SCGB3A1: variants seen among roughly 807,000 people sequenced by gnomAD.
SCGB3A1 encodes the protein secretoglobin family 3A member 1, also known as cytokine HIN-1.
Under a neutral mutation model 7.6 loss-of-function variants are expected in SCGB3A1, and 7 were observed. The ratio of observed to expected loss-of-function variants is 0.93; its 90% CI spans 0.53 to 1.74. SCGB3A1 has a LOEUF of 1.74. SCGB3A1 is among the 40% of genes most tolerant of loss of function. The pLI, the probability that SCGB3A1 is intolerant of heterozygous loss-of-function variation, is 0.00. For synonymous variants in SCGB3A1, 67 were observed against 66.6 expected (o/e 1.01, Z -0.03); for missense variants, 119 against 129.0 (o/e 0.92, Z 0.38).
Position 180,590,624 on chromosome 5 carries a change from G to A in SCGB3A1, c.267C>T (p.Ala89=), listed in dbSNP as rs746301922. The change falls in exon 2 of 3, where the codon GCC becomes GCT. Residue 89 remains alanine, a synonymous_variant. Transcript: ENST00000292641. ...VAELGPQAVG[A]VKALKALLGA... is the part of the protein sequence containing the mutation. ...CCAGCAGGGCCTTCAGGGCCTTCAC[G>A]GCCCCCACGGCCTGGGGACCCAGCT... 3 of 1,602,692 alleles carry A rather than the reference G, an allele frequency of 1.9e-6. No individual in the cohort carries two copies. The South Asian group carries it at 3.4e-5, about 18-fold the overall frequency.
rs940470391 is a variant in SCGB3A1 at position 180,591,473 on chromosome 5, C to G, written c.-11G>C. The G allele has an allele frequency of 2.4e-6, 3 of 1,228,392 alleles. No individual in the cohort carries two copies. Among genetic ancestry groups the G allele is most frequent in the Non-Finnish European group, 2.0e-6 (2 of 985,784 alleles). 76.1% of individuals were successfully genotyped at this position (1,228,392 alleles called of 1,614,324 possible). A position where few individuals can be genotyped will look rare whatever the true frequency, so the allele number is the denominator to read the frequency against. On this transcript the variant is annotated 5_prime_UTR_variant, in exon 1 of 3. Coordinates refer to ENST00000292641, the MANE Select transcript of SCGB3A1 (RefSeq NM_052863.3). ...GGCGGCGAGCTTCATGGCGCGGGGG[C>G]TCGGGGCGCGCGGGGAACCTGCGGC...
chr5:180,591,335 G>A (rs1448884006), intron 1 of SCGB3A1, 76 bp downstream of exon 1: 11 of 1,114,594 alleles, frequency 9.9e-6, no homozygotes, highest in African/African-American at 4.9e-5. Context: ...CACGATCGGC[G>A]CAGGCAGCGG....
chr5:180,590,592 C>T lies in SCGB3A1; in HGVS notation c.291+8G>A, dbSNP rs752129610. On this transcript the variant is annotated splice_region_variant and intron_variant, in intron 2 of 2. Coordinates refer to ENST00000292641, the MANE Select transcript of SCGB3A1 (RefSeq NM_052863.3). ...GCGCAGGAAGGGCACCCGGGGTGCC[C>T]ACTTTACCAGCAGGGCCTTCAGGGC... The T allele has an allele frequency of 2.5e-6, 4 of 1,600,294 alleles. No individual in the cohort carries two copies. The African/African-American group carries it at 5.4e-5, about 21-fold the overall frequency.
intron 1 of SCGB3A1, 53 bp downstream of exon 1, chr5:180,591,358 G>A: frequency 8.5e-7 from 1 of 1,179,210 alleles, no homozygotes; most frequent in Non-Finnish European, 1.1e-6. Flanking sequence ...GGGGCGCAGC[G>A]GGCGCCGAGG....
intron 2 of SCGB3A1, 88 bp downstream of exon 2, chr5:180,590,512 C>G: frequency 8.9e-7 from 1 of 1,117,458 alleles, no homozygotes; most frequent in Middle Eastern, 2.9e-4. Flanking sequence ...ACAGCCCTGA[C>G]GTAGGGCCGG....
intron 1 of SCGB3A1, 123 bp from the exon 2 acceptor site, chr5:180,590,961 C>A: frequency 1.4e-6 from 1 of 698,708 alleles, no homozygotes; most frequent in South Asian, 2.0e-5. Context: ...CCGACCGCCC[C>A]TCCCTCCTGC....
At position 180,591,404 on chromosome 5, in the gene SCGB3A1, C is replaced by G. The variant is rs1442854265; in HGVS notation, c.52+7G>C. ...CACCGTGCGCGCCAGGAGCCCGGGG[C>G]GCTCACCGGAGCTGCAGGACAGGGC... On this transcript the variant is annotated splice_region_variant and intron_variant, in intron 1 of 2. Coordinates refer to ENST00000292641, the MANE Select transcript of SCGB3A1 (RefSeq NM_052863.3). 19 of 1,225,438 alleles carry G rather than the reference C, an allele frequency of 1.6e-5. No individual in the cohort carries two copies. The highest frequency in any genetic ancestry group is 1.8e-5 in the Non-Finnish European group (18 of 983,888). The allele number at this position is 1,225,438 out of a possible 1,614,324, so 75.9% of individuals were successfully genotyped here. A position where few individuals can be genotyped will look rare whatever the true frequency, so the allele number is the denominator to read the frequency against.
Position 180,590,164 on chromosome 5 carries a change from G to C in SCGB3A1, c.*67C>G, listed in dbSNP as rs991746145. 15 of 1,534,512 alleles carry C rather than the reference G, an allele frequency of 9.8e-6. No individual in the cohort carries two copies. Among genetic ancestry groups the C allele is most frequent in the Non-Finnish European group, 1.2e-5 (14 of 1,128,120 alleles). On this transcript the variant is annotated 3_prime_UTR_variant, in exon 3 of 3. Coordinates refer to ENST00000292641, the MANE Select transcript of SCGB3A1 (RefSeq NM_052863.3). ...GAAGGGGATGGACGGTCCTCCCCGC[G>C]GCGGGGTTTTCAGCCCTCGCGGGTG...
Position 180,590,604 on chromosome 5 carries a change from A to G in SCGB3A1, c.287T>C (p.Leu96Pro). ...AVGAVKALKA[L>P]LGALTVFG ...CACCCGGGGTGCCCACTTTACCAGCAGGGCCTTCAGGGCCTTCACGGCCCC... is the reference window on the plus strand; with the variant it reads ...CACCCGGGGTGCCCACTTTACCAGCGGGGCCTTCAGGGCCTTCACGGCCCC... Residue 96 changes from leucine to proline, a missense_variant, in exon 2 of 3, where the codon CTG becomes CCG. Physicochemically the swap from Leu to Pro is moderately conservative, Grantham distance 98. Transcript: ENST00000292641. 6.2e-7 allele frequency: 1 copy of G among 1,601,686 alleles called. No individual in the cohort carries two copies. Among genetic ancestry groups the G allele is most frequent in the Non-Finnish European group, 8.5e-7 (1 of 1,174,350 alleles).
intron 2 of SCGB3A1, 56 bp from the exon 3 acceptor site, chr5:180,590,310 C>T (rs2127777273): frequency 3.2e-6 from 5 of 1,553,606 alleles, no homozygotes; most frequent in South Asian, 1.2e-5. Context: ...AGAACTCAGG[C>T]GGGGGCGCGG....
rs907689445 is a variant in SCGB3A1 at position 180,591,468 on chromosome 5, G to A, written c.-6C>T. On this transcript the variant is annotated 5_prime_UTR_variant, in exon 1 of 3. Transcript: ENST00000292641. ...AGGAGGGCGGCGAGCTTCATGGCGC[G>A]GGGGCTCGGGGCGCGCGGGGAACCT... 8.1e-7 allele frequency: 1 copy of A among 1,228,220 alleles called. No homozygotes were observed. The highest frequency in any genetic ancestry group is 1.0e-6 in the Non-Finnish European group (1 of 985,706). The allele number at this position is 1,228,220 out of a possible 1,614,324, so 76.1% of individuals were successfully genotyped here.
chr5:180,590,547 C>A, intron 2 of SCGB3A1, 53 bp downstream of exon 2: 2 of 1,438,554 alleles, frequency 1.4e-6, no homozygotes, highest in African/African-American at 1.4e-5. Context: ...AGTTTTGAGG[C>A]TGGCCGGGAA....
chr5:180,591,369 C>T (rs1561677565), intron 1 of SCGB3A1, 42 bp downstream of exon 1: 1 of 1,210,968 alleles, frequency 8.3e-7, no homozygotes, highest in Admixed American at 4.3e-5. Context: ...GGCGCCGAGG[C>T]CTCAGGCCCC....
At chr5:180,591,327 C>T in intron 1 of SCGB3A1, 84 bp downstream of exon 1, 1 of 1,096,882 alleles carries the variant, frequency 9.1e-7, no homozygotes, top group Non-Finnish European at 1.1e-6. Flanking sequence ...CTGGGATCCA[C>T]GATCGGCGCA....
At chr5:180,591,142 T>C (rs1761307616) in intron 1 of SCGB3A1, 2 of 413,020 alleles carry the variant, frequency 4.8e-6, no homozygotes, top group South Asian at 8.4e-5. Flanking sequence ...GCGCTGCGCC[T>C]TGCAGGATGA....
At chr5:180,590,285 C>G in intron 2 of SCGB3A1, 31 bp from the exon 3 acceptor site, 1 of 1,567,258 alleles carries the variant, frequency 6.4e-7, no homozygotes, top group South Asian at 1.2e-5. Flanking sequence ...TTGAGTGCCC[C>G]CAGCCCTGCC....
rs770121345 is a variant in SCGB3A1 at position 180,590,662 on chromosome 5, T to A, written c.229A>T (p.Lys77Ter). 1 of 1,596,292 alleles carries A rather than the reference T, an allele frequency of 6.3e-7. No individual in the cohort carries two copies. Among genetic ancestry groups the A allele is most frequent in the East Asian group, 2.3e-5 (1 of 43,772 alleles). ...PVNHLIEGSQKCVAELGPQAV... is the reference protein window; with the variant it reads ...PVNHLIEGSQ ...TGGGGACCCAGCTCAGCCACACACT[T>A]CTGGGAGCCCTCTATGAGGTGGTTC... The change falls in exon 2 of 3, where the codon AAG (lysine) becomes TAG (stop). Residue 77 changes from lysine (K) to a stop codon, truncating the protein, a stop_gained. Coordinates refer to ENST00000292641, the MANE Select transcript of SCGB3A1 (RefSeq NM_052863.3). LOFTEE classifies it high-confidence loss of function.
At chr5:180,591,359 G>T in intron 1 of SCGB3A1, 52 bp downstream of exon 1, 1 of 1,185,184 alleles carries the variant, frequency 8.4e-7, no homozygotes, top group Non-Finnish European at 1.1e-6. Context: ...GGGCGCAGCG[G>T]GCGCCGAGGC....
chr5:180,590,432 G>A (rs1024097978), intron 2 of SCGB3A1, among the ~76,000 whole-genome samples, 168 bp downstream of exon 2: 1 of 152,326 alleles, frequency 6.6e-6, no homozygotes, highest in East Asian at 1.9e-4. Context: ...GCTCGGATGC[G>A]CCCCACCCAG....
Sources: allele counts gnomAD v4.1 joint callset (sites outside exome capture counted in the v4.1 genomes callset), GRCh38; gene constraint gnomAD v4.1.1; transcripts MANE v1.5; gene names NCBI Gene and HGNC (gene_info 2026-07-23, HGNC 2026-07-21).